Variants in ZNF273 observed in about 807,000 individuals in gnomAD.
ZNF273 encodes zinc finger protein 9.
ZNF273 carries 11 observed loss-of-function variants against 14.9 expected under a neutral mutation model. The observed-to-expected ratio is 0.74, with a 90% confidence interval of 0.46 to 1.22. The LOEUF is 1.22. ZNF273 is among the 50% of genes most tolerant of loss of function. The pLI, the probability that ZNF273 is intolerant of heterozygous loss-of-function variation, is 0.00. For synonymous variants in ZNF273, 199 were observed against 223.9 expected, an observed-to-expected ratio of 0.89 and a Z score of 0.99; for missense variants, 577 against 660.6, an observed-to-expected ratio of 0.87 and a Z score of 1.39.
chr7:64,884,425 G>T (rs1394379213), downstream of ZNF273, among the ~76,000 whole-genome samples: 1 of 152,142 alleles, frequency 6.6e-6, no homozygotes, highest in Non-Finnish European at 1.5e-5. Context: ...ACCCGTTTCA[G>T]TCTTGCAATC....
intron 3 of ZNF273, among the ~76,000 whole-genome samples, chr7:64,925,249 C>T (rs543366657): frequency 6.6e-6 from 1 of 152,072 alleles, no homozygotes; most frequent in African/African-American, 2.4e-5. Flanking sequence ...ATCTTTGTCT[C>T]TCATTTTCTT....
At chr7:64,905,878 A>G (rs998262166) in intron 1 of ZNF273, among the ~76,000 whole-genome samples, 3 of 152,202 alleles carry the variant, frequency 2.0e-5, no homozygotes, top group Non-Finnish European at 4.4e-5. Context: ...TTTTATTGTA[A>G]GTTGCATTTT....
At chr7:64,901,629 C>G (rs531348903), upstream of ZNF273, among the ~76,000 whole-genome samples, 1 of 152,310 alleles carries the variant, frequency 6.6e-6, no homozygotes, top group East Asian at 1.9e-4. Context: ...GTAAGTGAGA[C>G]CCTCTTTTCT....
chr7:64,893,908 A>G (rs1281812275), downstream of ZNF273: 1 of 152,474 alleles, frequency 6.6e-6, no homozygotes, highest in Non-Finnish European at 1.5e-5. Context: ...GTAATTAAGC[A>G]TAAGTGCAAA....
chr7:64,879,665 A>G (rs928410346), exon 3 of ZNF273: 1 of 152,240 alleles, frequency 6.6e-6, no homozygotes, highest in Non-Finnish European at 1.5e-5. Context: ...ATCTTCCGCT[A>G]GCACCATCAT....
At chr7:64,916,113 T>C (rs994658861) in intron 1 of ZNF273, among the ~76,000 whole-genome samples, 1 of 151,984 alleles carries the variant, frequency 6.6e-6, no homozygotes, top group Non-Finnish European at 1.5e-5. Context: ...GGAGAATCGC[T>C]TGAGCCTGAG....
At chr7:64,906,150 C>T (rs1250028240) in intron 1 of ZNF273, among the ~76,000 whole-genome samples, 1 of 152,046 alleles carries the variant, frequency 6.6e-6, no homozygotes, top group Non-Finnish European at 1.5e-5. Context: ...TACTTTTCCA[C>T]AAGAATATGT....
At chr7:64,889,470 C>A, downstream of ZNF273, 4 of 985,910 alleles carry the variant, frequency 4.1e-6, no homozygotes, top group Non-Finnish European at 4.8e-6. The surrounding 1 kb of genome is among the most constrained non-coding windows in gnomAD (Gnocchi z 4.2). Flanking sequence ...GGGCTGCGTC[C>A]CCGCGGGACG....
downstream of ZNF273, among the ~76,000 whole-genome samples, chr7:64,884,111 G>A (rs898178317): frequency 1.3e-5 from 2 of 152,158 alleles, no homozygotes; most frequent in African/African-American, 4.8e-5. Context: ...TCTCATTGTG[G>A]ATTTCGTTGG....
chr7:64,905,143 T>C (rs1405299178), intron 1 of ZNF273, among the ~76,000 whole-genome samples: 1 of 141,596 alleles, frequency 7.1e-6, no homozygotes, highest in Non-Finnish European at 1.5e-5. Flanking sequence ...TTTGAGACAG[T>C]CTCATTCTGT....
downstream of ZNF273, among the ~76,000 whole-genome samples, chr7:64,931,602 A>C (rs1418052289): frequency 1.3e-5 from 2 of 152,106 alleles, no homozygotes; most frequent in African/African-American, 4.8e-5. Context: ...ACTTTTTTAA[A>C]GTTATTCTTT....
At chr7:64,931,905 A>C (rs1794998626), downstream of ZNF273, among the ~76,000 whole-genome samples, 1 of 152,170 alleles carries the variant, frequency 6.6e-6, no homozygotes, top group Admixed American at 6.5e-5. Context: ...AATTCTGCCG[A>C]ATTTAAAGAG....
downstream of ZNF273, chr7:64,880,305 A>C (rs1003776428): frequency 6.6e-6 from 1 of 152,220 alleles, no homozygotes; most frequent in Non-Finnish European, 1.5e-5. Context: ...TGCTTCAGGC[A>C]TGCCTAGACG....
At chr7:64,923,154 CTT>C (rs576995410) in intron 3 of ZNF273, among the ~76,000 whole-genome samples, 76 of 151,938 alleles carry the variant, frequency 5.0e-4, no homozygotes, top group African/African-American at 1.5e-3. Flanking sequence ...AAACACTACT[CTT>C]TTTTTTCTAG....
chr7:64,891,886 C>T (rs1583965838), downstream of ZNF273, among the ~76,000 whole-genome samples: 1 of 152,334 alleles, frequency 6.6e-6, no homozygotes, highest in East Asian at 1.9e-4. Context: ...TCCTTGGTGA[C>T]AGCCTGGGCT....
intron 3 of ZNF273, among the ~76,000 whole-genome samples, chr7:64,923,099 CAT>C (rs1409114064): frequency 6.6e-6 from 1 of 152,162 alleles, no homozygotes; most frequent in South Asian, 2.1e-4. Flanking sequence ...AGTCTCAACA[CAT>C]ATTAAACAAC....
downstream of ZNF273, among the ~76,000 whole-genome samples, chr7:64,894,646 T>C (rs1479453552): frequency 2.0e-5 from 3 of 152,084 alleles, no homozygotes; most frequent in Non-Finnish European, 4.4e-5. Flanking sequence ...TCTTTTGCCA[T>C]TTCATAAAAT....
At chr7:64,882,651 C>G (rs780756391), downstream of ZNF273, 1 of 152,328 alleles carries the variant, frequency 6.6e-6, no homozygotes, top group Non-Finnish European at 1.5e-5. Context: ...CCTCGGGATA[C>G]TCCCACGATC....
rs1373302851 is a variant in ZNF273 at position 64,922,971 on chromosome 7, T to TA, written c.326-4674dup. Among the ~76,000 whole-genome samples, 1,374 of 149,552 alleles carry TA rather than the reference T, an allele frequency of 9.2e-3. 14 individuals are homozygous for TA. The highest frequency in any genetic ancestry group is 0.032 in the African/African-American group (1,296 of 40,688). On this transcript the variant is annotated intron_variant, in intron 3 of 3. Coordinates refer to ENST00000476120, the MANE Select transcript of ZNF273 (RefSeq NM_021148.3). Reference sequence around the variant, plus strand: ...GAAGAGCAAGACTCTGTCTCAAAATTAAAAAAAAAGAAAAAAAGAAAATCG... The same window carrying TA: ...GAAGAGCAAGACTCTGTCTCAAAATTAAAAAAAAAAGAAAAAAAGAAAATCG...
Sources: allele counts gnomAD v4.1 joint callset (sites outside exome capture counted in the v4.1 genomes callset), GRCh38; gene constraint gnomAD v4.1.1; non-coding constraint Gnocchi (gnomAD v3.1); transcripts MANE v1.5; gene names NCBI Gene and HGNC (gene_info 2026-07-23, HGNC 2026-07-21).